Variants in MTMR9 observed in about 807,000 individuals in gnomAD.
The protein encoded by MTMR9 is myotubularin-related protein 9.
A neutral mutation model predicts 69.5 loss-of-function variants in MTMR9; 39 were observed. The ratio of observed to expected loss-of-function variants is 0.56; its 90% CI spans 0.43 to 0.73. The LOEUF (loss-of-function observed/expected upper bound fraction) is 0.73, where lower values mean the gene tolerates loss of function less well. Ranked by LOEUF, MTMR9 falls within the 30% of genes least tolerant of loss-of-function variation. The pLI, the probability that MTMR9 is intolerant of heterozygous loss-of-function variation, is 0.00. For missense variants in MTMR9, 900 were observed against 671.2 expected, an observed-to-expected ratio of 1.34 and a Z score of -3.77; for synonymous variants, 354 against 240.8, an observed-to-expected ratio of 1.47 and a Z score of -4.35.
chr8:11,286,494 G>A (rs1799162170), intron 1 of MTMR9, among the ~76,000 whole-genome samples: 1 of 151,358 alleles, frequency 6.6e-6, no homozygotes, highest in East Asian at 2.0e-4. Flanking sequence ...ATGAAAGCCC[G>A]TCTCTACTAA....
rs1801014031 is a variant in MTMR9 at position 11,327,874 on chromosome 8, T to TATTAAAA, written c.*5086_*5087insATTAAAA. 2.6e-5 allele frequency: 4 copies of TATTAAAA among 152,622 alleles called. No individual in the cohort carries two copies. The highest frequency in any genetic ancestry group is 9.6e-5 in the African/African-American group (4 of 41,458). The allele number at this position is 152,622 out of a possible 1,614,324, so 9.5% of individuals were successfully genotyped here. ...AAAAAAAGCAGAACTTTTGTAAGTC[T>TATTAAAA]GTGTAACATTTTAATATTGTTTGTA... On this transcript the variant is annotated 3_prime_UTR_variant, in exon 10 of 10. Coordinates refer to ENST00000221086, the MANE Select transcript of MTMR9 (RefSeq NM_015458.4).
chr8:11,312,122 G>A (rs1051335356), intron 6 of MTMR9, among the ~76,000 whole-genome samples: 5 of 151,520 alleles, frequency 3.3e-5, no homozygotes, highest in African/African-American at 4.9e-5. Flanking sequence ...ACGGCGCACC[G>A]CAGCCTAGAA....
At chr8:11,338,245 G>A in the MTMR9 span, among the ~76,000 whole-genome samples, 14 of 152,336 alleles carry the variant, frequency 9.2e-5, no homozygotes, top group East Asian at 2.5e-3. Flanking sequence ...CAAAAGGCAC[G>A]TGGAGGTGGG....
intron 3 of MTMR9, among the ~76,000 whole-genome samples, chr8:11,304,331 C>G (rs1022144055): frequency 1.3e-5 from 2 of 152,138 alleles, no homozygotes; most frequent in Non-Finnish European, 2.9e-5. Context: ...TCTGGGGATG[C>G]ATTATCTGGA....
In MTMR9 at chr8:11,316,823, C is replaced by G; in HGVS notation, c.1264C>G (p.Leu422Val). ...TTCTTTTGAGTTTAATGAGAATTTC[C>G]TCATCATGCTCTTTGAGCATGCTTA... Reference protein sequence around the residue: ...PCSFEFNENFLIMLFEHAYAS... With the variant: ...PCSFEFNENFVIMLFEHAYAS... The change falls in exon 8 of 10, where the codon CTC (leucine) becomes GTC (valine). Residue 422 changes from leucine to valine, a missense_variant. Leu to Val is a conservative substitution (Grantham distance 32). Transcript: ENST00000221086. The G allele has an allele frequency of 6.2e-7, 1 of 1,613,788 alleles. No homozygotes were observed. Among genetic ancestry groups the G allele is most frequent in the Non-Finnish European group, 8.5e-7 (1 of 1,179,862 alleles).
At chr8:11,302,363 A>AGTT (rs1163826228) in intron 3 of MTMR9, among the ~76,000 whole-genome samples, 1 of 151,628 alleles carries the variant, frequency 6.6e-6, no homozygotes, top group Non-Finnish European at 1.5e-5. Flanking sequence ...AATCAGTAGA[A>AGTT]GTTATTGAAC....
intron 6 of MTMR9, among the ~76,000 whole-genome samples, chr8:11,314,019 G>T (rs1235989714): frequency 6.6e-6 from 1 of 152,166 alleles, no homozygotes; most frequent in Non-Finnish European, 1.5e-5. Flanking sequence ...GCCTGCAACT[G>T]TTATTATCCT....
intron 1 of MTMR9, among the ~76,000 whole-genome samples, chr8:11,290,415 G>GT (rs1345341045): frequency 6.6e-6 from 1 of 151,944 alleles, no homozygotes; most frequent in Non-Finnish European, 1.5e-5. Flanking sequence ...CCCATCTGTT[G>GT]TTTTTTTCTG....
chr8:11,329,450 A>G (rs1257651499), downstream of MTMR9, among the ~76,000 whole-genome samples: 2 of 152,308 alleles, frequency 1.3e-5, no homozygotes, highest in Admixed American at 6.5e-5. Context: ...AGTGCCTGCC[A>G]TTGCAGGCTC....
At chr8:11,299,885 T>A (rs1799691549) in intron 2 of MTMR9, 138 bp from the exon 3 acceptor site, 3 of 1,006,296 alleles carry the variant, frequency 3.0e-6, no homozygotes, top group Non-Finnish European at 4.2e-6. Context: ...TTGTATCTGG[T>A]GATAAACACA....
At position 11,326,460 on chromosome 8, in the gene MTMR9, T is replaced by G. The variant is rs577513988; in HGVS notation, c.*3672T>G. 5 of 136,468 alleles carry G rather than the reference T, an allele frequency of 3.7e-5. No individual in the cohort carries two copies. Among genetic ancestry groups the G allele is most frequent in the South Asian group, 5.1e-4 (2 of 3,900 alleles). The allele number at this position is 136,468 out of a possible 1,614,324, so 8.5% of individuals were successfully genotyped here. On this transcript the variant is annotated 3_prime_UTR_variant, in exon 10 of 10. Transcript: ENST00000221086. Reference sequence around the variant, plus strand: ...AGAGAATGAAGTCATTCAGTACATCTGATAAAGTTTTGTTGTTGTTGTTGT... The same window carrying G: ...AGAGAATGAAGTCATTCAGTACATCGGATAAAGTTTTGTTGTTGTTGTTGT...
At chr8:11,314,614 A>T (rs4515509) in intron 6 of MTMR9, among the ~76,000 whole-genome samples, 100,594 of 152,122 alleles carry the variant, frequency 0.66, 34,832 homozygotes, top group African/African-American at 0.86. Flanking sequence ...TTTGGTTTTG[A>T]AAAGGGAAAG....
At chr8:11,305,589 T>A (rs1241050917) in intron 4 of MTMR9, among the ~76,000 whole-genome samples, 1 of 152,184 alleles carries the variant, frequency 6.6e-6, no homozygotes, top group East Asian at 1.9e-4. Flanking sequence ...TAGAGAAAAG[T>A]TTCAAAAGCA....
intron 1 of MTMR9, among the ~76,000 whole-genome samples, chr8:11,286,588 C>G (rs943583044): frequency 1.3e-5 from 2 of 148,462 alleles, no homozygotes; most frequent in Non-Finnish European, 3.0e-5. Context: ...ATCGCTTGAA[C>G]CTTGGAAGCA....
chr8:11,291,740 T>G (rs1427646346), intron 1 of MTMR9, among the ~76,000 whole-genome samples: 1 of 151,850 alleles, frequency 6.6e-6, no homozygotes, highest in Non-Finnish European at 1.5e-5. Context: ...ACAAAATGAG[T>G]TAGTATGACA....
chr8:11,289,178 A>C (rs1799293059), intron 1 of MTMR9, among the ~76,000 whole-genome samples: 1 of 151,988 alleles, frequency 6.6e-6, no homozygotes, highest in South Asian at 2.1e-4. Flanking sequence ...GTCTCAAAAC[A>C]AACAAACAAA....
downstream of MTMR9, among the ~76,000 whole-genome samples, chr8:11,330,264 C>G (rs984667923): frequency 6.6e-6 from 1 of 150,970 alleles, no homozygotes; most frequent in Non-Finnish European, 1.5e-5. Flanking sequence ...AGCCCCCCAC[C>G]GGCCAGCCGC....
chr8:11,293,162 C>T lies in MTMR9; in HGVS notation c.183-2032C>T, dbSNP rs74891228. Among the ~76,000 whole-genome samples the T allele has an allele frequency of 1.4e-3, 220 of 152,282 alleles. 1 individual carries two copies. Among genetic ancestry groups the T allele is most frequent in the African/African-American group, 5.1e-3 (214 of 41,562 alleles). ...AAGATGTGGAGATGGAAGACAGTGA[C>T]ATTGATGATCCCAACCCTGTGTAGG... On this transcript the variant is annotated intron_variant, in intron 1 of 9. Coordinates refer to ENST00000221086, the MANE Select transcript of MTMR9 (RefSeq NM_015458.4).
intron 9 of MTMR9, chr8:11,321,427 G>C (rs1447276339): frequency 2.2e-6 from 1 of 456,342 alleles, no homozygotes; most frequent in African/African-American, 2.0e-5. Flanking sequence ...GAGCGTAGCT[G>C]TTTGGGAGAA....
Sources: gnomAD v4.1 joint callset for allele counts (sites outside exome capture counted in the v4.1 genomes callset) on GRCh38, gnomAD v4.1.1 for gene constraint, MANE v1.5 for transcripts, NCBI Gene and HGNC (gene_info 2026-07-23, HGNC 2026-07-21) for gene names.